ZNF469: variants seen among roughly 807,000 people sequenced by gnomAD.
ZNF469 encodes zinc finger protein 469.
ZNF469 carries 1 observed loss-of-function variant against 1.0 expected under a neutral mutation model. The ratio of observed to expected loss-of-function variants is 1.00; its 90% confidence interval spans 0.35 to 4.73. The LOEUF (loss-of-function observed/expected upper bound fraction) is 4.73, where lower values mean the gene tolerates loss of function less well. Among genes scored for constraint, ZNF469 ranks in the 30% most tolerant of loss-of-function variants. The probability of loss-of-function intolerance (pLI) is 0.16; values close to 1 mark genes in which losing one functional copy is unlikely to be tolerated. For missense variants in ZNF469, 6,100 were observed against 5,356.3 expected (o/e 1.14, Z -4.33); for synonymous variants, 2,703 against 2,363.4 (o/e 1.14, Z -4.17).
At chr16:88,120,299 G>C in the ZNF469 span, among the ~76,000 whole-genome samples, 1 of 152,244 alleles carries the variant, frequency 6.6e-6, no homozygotes, top group African/African-American at 2.4e-5. Flanking sequence ...CCTTGCAGGA[G>C]GCCCAGGCCC....
the ZNF469 span, among the ~76,000 whole-genome samples, chr16:88,305,270 A>C: frequency 6.6e-6 from 1 of 150,620 alleles, no homozygotes; most frequent in Admixed American, 6.6e-5. Flanking sequence ...ACACCCTCAC[A>C]CACATGCTCT....
the ZNF469 span, among the ~76,000 whole-genome samples, chr16:88,251,052 A>G: frequency 6.6e-6 from 1 of 151,884 alleles, no homozygotes; most frequent in Non-Finnish European, 1.5e-5. Context: ...TCATTTTTAT[A>G]TTTTCAGTAG....
the ZNF469 span, among the ~76,000 whole-genome samples, chr16:88,305,852 C>T: frequency 6.6e-6 from 1 of 152,174 alleles, no homozygotes; most frequent in East Asian, 1.9e-4. Flanking sequence ...CACAGATGCA[C>T]ACTCACGCAT....
rs561248926 is a variant in ZNF469, at chr16:88,426,928, C to T, written c.-126-417C>T. 2.2e-4 allele frequency among the ~76,000 whole-genome samples: 34 copies of T among 152,250 alleles called. No homozygotes were observed. In the South Asian group the frequency reaches 5.6e-3, roughly 25 times the overall value. On this transcript the variant is annotated intron_variant, in intron 2 of 2. Transcript: ENST00000565624. ...AAGCATCCACCTGGGCCCTCCTGGACGCTGCCAGGACCCTGCCCTGGGGCA... is the reference window on the plus strand; with the variant it reads ...AAGCATCCACCTGGGCCCTCCTGGATGCTGCCAGGACCCTGCCCTGGGGCA...
chr16:88,286,142 G>C, the ZNF469 span, among the ~76,000 whole-genome samples: 1 of 152,250 alleles, frequency 6.6e-6, no homozygotes, highest in Non-Finnish European at 1.5e-5. Flanking sequence ...GGCTTTTGGA[G>C]TTTTTGTGCA....
chr16:88,373,096 T>A, the ZNF469 span, among the ~76,000 whole-genome samples: 484 of 152,364 alleles, frequency 3.2e-3, 6 homozygotes, highest in African/African-American at 0.011. Flanking sequence ...TTTAAGTACT[T>A]GACATTGTTT....
the ZNF469 span, among the ~76,000 whole-genome samples, chr16:88,344,148 A>T: frequency 6.6e-6 from 1 of 151,386 alleles, no homozygotes; most frequent in Non-Finnish European, 1.5e-5. Context: ...AGGTCATCAA[A>T]AACAAGGAGG....
rs1177652587 is a variant in ZNF469, at chr16:88,429,759, C to G, written c.2289C>G (p.Gly763=). 1 of 1,544,510 alleles carries G rather than the reference C, an allele frequency of 6.5e-7. No homozygotes were observed. The highest frequency in any genetic ancestry group is 8.7e-7 in the Non-Finnish European group (1 of 1,144,732). The change falls in exon 3 of 3, where the codon GGC becomes GGG. Residue 763 remains glycine, a synonymous_variant. Transcript: ENST00000565624. The part of the protein sequence containing the change: ...CGLLLARAKD[G]HQRSPGPPGL... ...TGCTCCTGGCCAGGGCCAAGGATGGCCACCAGCGGTCTCCAGGCCCCCCTG... is the reference window on the plus strand; with the variant it reads ...TGCTCCTGGCCAGGGCCAAGGATGGGCACCAGCGGTCTCCAGGCCCCCCTG...
chr16:88,280,372 G>T, the ZNF469 span, among the ~76,000 whole-genome samples: 1 of 151,972 alleles, frequency 6.6e-6, no homozygotes, highest in Non-Finnish European at 1.5e-5. Context: ...GCTGATGTTG[G>T]TGCACAGATC....
At chr16:88,364,489 CAAAAAAAAAAAAA>C in the ZNF469 span, among the ~76,000 whole-genome samples, 56 of 56,164 alleles carry the variant, frequency 1.0e-3, no homozygotes, top group Non-Finnish European at 1.4e-3. Context: ...TGTTGATTTC[CAAAAAAAAAAAAA>C]AAAAAAAAAA....
At chr16:88,215,115 T>C in the ZNF469 span, among the ~76,000 whole-genome samples, 1 of 152,224 alleles carries the variant, frequency 6.6e-6, no homozygotes, top group East Asian at 1.9e-4. Flanking sequence ...ATGTCTATTG[T>C]AATCAGCATG....
chr16:88,362,434 G>T, the ZNF469 span, among the ~76,000 whole-genome samples: 1 of 152,252 alleles, frequency 6.6e-6, no homozygotes, highest in Admixed American at 6.5e-5. Flanking sequence ...TTAAAACCTA[G>T]GTCAGCTGCC....
chr16:88,144,699 C>G, the ZNF469 span, among the ~76,000 whole-genome samples: 3 of 152,154 alleles, frequency 2.0e-5, no homozygotes, highest in African/African-American at 7.2e-5. Context: ...AAGGAGAAGG[C>G]GAAGCTCTAT....
At chr16:88,167,952 C>A in the ZNF469 span, among the ~76,000 whole-genome samples, 3 of 152,238 alleles carry the variant, frequency 2.0e-5, no homozygotes, top group African/African-American at 7.2e-5. Flanking sequence ...ACACTGCCCC[C>A]CTCCAAACAT....
Position 88,437,971 on chromosome 16 carries a change from A to G in ZNF469, c.10501A>G (p.Ser3501Gly). ...TCCCCGGGGAAGCAGCCCCATCCTG[A>G]GTGAGGGCTCTCTCCCGGCCCTGCT... ...PPPRGSSPIL[S>G]EGSLPALLHL... The change falls in exon 3 of 3, where the codon AGT becomes GGT. Residue 3501 changes from serine to glycine, a missense_variant. Ser to Gly is a moderately conservative substitution (Grantham distance 56, BLOSUM62 0). Transcript: ENST00000565624. 6.5e-7 allele frequency: 1 copy of G among 1,547,212 alleles called. No individual in the cohort carries two copies. The highest frequency in any genetic ancestry group is 1.4e-5 in the African/African-American group (1 of 73,116).
chr16:88,135,895 G>A, the ZNF469 span, among the ~76,000 whole-genome samples: 3 of 151,612 alleles, frequency 2.0e-5, no homozygotes, highest in Non-Finnish European at 1.5e-5. Context: ...CGAGTAGCTG[G>A]CACTACAGGC....
In ZNF469 at chr16:88,436,072, C is replaced by T. The variant is rs1275189942; in HGVS notation, c.8602C>T (p.Arg2868Cys). 27 of 1,549,998 alleles carry T rather than the reference C, an allele frequency of 1.7e-5. No individual in the cohort carries two copies. The highest frequency in any genetic ancestry group is 2.4e-5 in the Non-Finnish European group (27 of 1,146,996). ...SFSQLFPPGG[R>C]LTRKRNPHVY... is the part of the protein sequence containing the mutation. Reference sequence around the variant, plus strand: ...CTCCCAGCTCTTCCCTCCAGGCGGTCGCTTGACTAGAAAGAGGAACCCGCA... The same window carrying T: ...CTCCCAGCTCTTCCCTCCAGGCGGTTGCTTGACTAGAAAGAGGAACCCGCA... Residue 2868 changes from arginine (R) to cysteine (C), a missense_variant, in exon 3 of 3, where the codon CGC becomes TGC. By Grantham distance (180) the Arg-to-Cys change is radical. Transcript: ENST00000565624.
chr16:88,312,698 C>T, the ZNF469 span, among the ~76,000 whole-genome samples: 5 of 152,206 alleles, frequency 3.3e-5, no homozygotes, highest in East Asian at 1.9e-4. Context: ...GAGGGAGAGA[C>T]GCCATTTTTC....
the ZNF469 span, among the ~76,000 whole-genome samples, chr16:88,157,151 C>T: frequency 6.6e-6 from 1 of 151,354 alleles, no homozygotes; most frequent in Non-Finnish European, 1.5e-5. Flanking sequence ...CCAGGGCACA[C>T]AGGCAGCCGG....
Sources: gnomAD v4.1 joint callset for allele counts (sites outside exome capture counted in the v4.1 genomes callset) on GRCh38, gnomAD v4.1.1 for gene constraint, MANE v1.5 for transcripts, NCBI Gene and HGNC (gene_info 2026-07-23, HGNC 2026-07-21) for gene names.